The following LRP1B variants were observed in gnomAD, a reference collection of about 807,000 sequenced individuals.
LRP1B encodes LDL receptor related protein 1B, also known as low-density lipoprotein receptor-related protein 1B.
Under a neutral mutation model 556.6 loss-of-function variants are expected in LRP1B, and 217 were observed. The observed-to-expected ratio is 0.39, with a 90% CI of 0.35 to 0.44. LRP1B has a LOEUF of 0.44. Among genes scored for constraint, LRP1B ranks in the 20% least tolerant of loss-of-function variants. LRP1B has a pLI of 1.00. For synonymous variants in LRP1B, 2,047 were observed against 1,865.8 expected (o/e 1.10, Z -2.50); for missense variants, 5,053 against 5,620.8 (o/e 0.90, Z 3.23).
chr2:141,522,109 T>C (rs1416113996), intron 2 of LRP1B, among the ~76,000 whole-genome samples: 1 of 152,106 alleles, frequency 6.6e-6, no homozygotes, highest in Non-Finnish European at 1.5e-5. Flanking sequence ...ACAGCAGCAG[T>C]AGCATCACCT....
intron 3 of LRP1B, among the ~76,000 whole-genome samples, chr2:141,359,312 T>A (rs2105560058): frequency 7.2e-6 from 1 of 138,504 alleles, no homozygotes; most frequent in Non-Finnish European, 1.6e-5. Flanking sequence ...ACAAATGCTA[T>A]TAAAAAATAC....
chr2:140,833,177 G>C (rs1482099214), intron 31 of LRP1B, among the ~76,000 whole-genome samples: 4 of 151,882 alleles, frequency 2.6e-5, no homozygotes, highest in Non-Finnish European at 5.9e-5. Flanking sequence ...GGAATAAATG[G>C]GTTAGAGAAT....
At chr2:141,005,480 G>T in intron 14 of LRP1B, 23 bp from the exon 15 acceptor site, 2 of 1,606,602 alleles carry the variant, frequency 1.2e-6, no homozygotes, top group African/African-American at 2.7e-5. Flanking sequence ...GAAAGCAAAT[G>T]TGTCAGAGAA....
At chr2:142,128,697 T>C (rs1200029982) in intron 1 of LRP1B, among the ~76,000 whole-genome samples, 2 of 152,314 alleles carry the variant, frequency 1.3e-5, no homozygotes, top group East Asian at 1.9e-4. Flanking sequence ...TGCTATCTGA[T>C]ATAGTACTTC....
chr2:141,124,960 T>A (rs11894663), intron 7 of LRP1B, among the ~76,000 whole-genome samples: 4,029 of 152,214 alleles, frequency 0.026, 176 homozygotes, highest in African/African-American at 0.092. Flanking sequence ...TTGTGGTGTG[T>A]CAGTCTAGTG....
At chr2:140,597,491 G>T (rs1172367404) in intron 43 of LRP1B, among the ~76,000 whole-genome samples, 2 of 151,978 alleles carry the variant, frequency 1.3e-5, no homozygotes, top group Non-Finnish European at 2.9e-5. Context: ...TTATATACTA[G>T]GTTTATTTAG....
intron 79 of LRP1B, among the ~76,000 whole-genome samples, chr2:140,330,736 C>G (rs1680765063): frequency 6.6e-6 from 1 of 152,078 alleles, no homozygotes; most frequent in Non-Finnish European, 1.5e-5. Context: ...TCTAGTTTAA[C>G]TAAAGTGCTT....
chr2:140,927,670 T>G (rs901207407), intron 20 of LRP1B, among the ~76,000 whole-genome samples: 3 of 150,832 alleles, frequency 2.0e-5, no homozygotes, highest in African/African-American at 7.3e-5. Flanking sequence ...TTCAATACAT[T>G]ACCAGTTGTG....
intron 1 of LRP1B, among the ~76,000 whole-genome samples, chr2:141,915,081 A>G (rs558287737): frequency 6.6e-6 from 1 of 152,326 alleles, no homozygotes; most frequent in East Asian, 1.9e-4. Context: ...CAGGCATCAC[A>G]TTGCCTGACT....
At chr2:140,807,491 C>T (rs1172773919) in intron 32 of LRP1B, among the ~76,000 whole-genome samples, 1 of 150,434 alleles carries the variant, frequency 6.6e-6, no homozygotes, top group Non-Finnish European at 1.5e-5. Flanking sequence ...CAGGCACCCG[C>T]CACCACGCCT....
intron 23 of LRP1B, among the ~76,000 whole-genome samples, chr2:140,901,726 A>G (rs1482609747): frequency 6.6e-6 from 1 of 152,198 alleles, no homozygotes; most frequent in Admixed American, 6.5e-5. Context: ...ATTGAAGTGC[A>G]CTTATTGAAA....
intron 55 of LRP1B, among the ~76,000 whole-genome samples, chr2:140,500,450 A>G (rs915034716): frequency 6.6e-6 from 1 of 152,000 alleles, no homozygotes; most frequent in South Asian, 2.1e-4. Context: ...TCTTTGCCAT[A>G]CAACAATTGT....
chr2:140,498,668 A>T (rs1329321540), intron 55 of LRP1B, among the ~76,000 whole-genome samples: 1 of 151,840 alleles, frequency 6.6e-6, no homozygotes, highest in East Asian at 1.9e-4. Flanking sequence ...TGAAACAGAG[A>T]AATCTATCAG....
chr2:140,960,679 T>G (rs940219906), intron 18 of LRP1B, among the ~76,000 whole-genome samples: 4 of 152,086 alleles, frequency 2.6e-5, no homozygotes, highest in Non-Finnish European at 5.9e-5. Context: ...TGTTTACCAG[T>G]GTACATTTAT....
intron 1 of LRP1B, among the ~76,000 whole-genome samples, chr2:142,060,634 G>A (rs9941625): frequency 0.035 from 5,378 of 152,002 alleles, 312 homozygotes; most frequent in African/African-American, 0.12. Flanking sequence ...ATAATACACC[G>A]CAATGAATGG....
intron 5 of LRP1B, among the ~76,000 whole-genome samples, chr2:141,237,298 A>G (rs146004616): frequency 4.0e-5 from 6 of 151,872 alleles, no homozygotes; most frequent in African/African-American, 1.4e-4. Context: ...GTGTTGGCAC[A>G]TTAGTCCAAT....
intron 3 of LRP1B, among the ~76,000 whole-genome samples, chr2:141,423,160 C>T (rs11892609): frequency 0.2 from 29,693 of 151,870 alleles, 3,578 homozygotes; most frequent in East Asian, 0.45. Flanking sequence ...ACCTCTACCT[C>T]CTGGCAGACA....
chr2:141,372,382 G>A (rs954754964), intron 3 of LRP1B, among the ~76,000 whole-genome samples: 1 of 152,016 alleles, frequency 6.6e-6, no homozygotes, highest in African/African-American at 2.4e-5. Flanking sequence ...TCATATCAGG[G>A]TGATACTTGC....
chr2:141,502,720 A>G (rs1004470747), intron 2 of LRP1B, among the ~76,000 whole-genome samples: 10 of 152,038 alleles, frequency 6.6e-5, no homozygotes, highest in Admixed American at 6.6e-4. Context: ...TTAGCTGGGC[A>G]TGGTGCCACG....
Sources: allele counts gnomAD v4.1 joint callset (sites outside exome capture counted in the v4.1 genomes callset), GRCh38; gene constraint gnomAD v4.1.1; transcripts MANE v1.5; gene names NCBI Gene and HGNC (gene_info 2026-07-23, HGNC 2026-07-21).